The following CAVIN3 variants were observed in gnomAD, a reference collection of about 807,000 sequenced individuals.
The protein encoded by CAVIN3 is caveolae associated protein 3, also known as caveolae-associated protein 3.
A neutral mutation model predicts 8.2 loss-of-function variants in CAVIN3; 11 were observed. The observed-to-expected ratio is 1.35, with a 90% confidence interval of 0.85 to 2.23. The LOEUF is 2.23. CAVIN3 is among the 30% of genes most tolerant of loss of function. CAVIN3 has a pLI of 0.00. For synonymous variants in CAVIN3, 191 were observed against 166.3 expected, an observed-to-expected ratio of 1.15 and a Z score of -1.14; for missense variants, 401 against 359.5, an observed-to-expected ratio of 1.12 and a Z score of -0.93.
At position 6,320,363 on chromosome 11, in the gene CAVIN3, A is replaced by G. The variant is rs190379115; in HGVS notation, c.114T>C (p.Thr38=). Residue 38 remains threonine, a synonymous_variant, in exon 1 of 2, where the codon ACT becomes ACC. Coordinates refer to ENST00000303927, the MANE Select transcript of CAVIN3 (RefSeq NM_145040.3). ...LLEKLASMLE[T]LRERQGGLAR... is the part of the protein sequence containing the mutation. The stretch of plus-strand genomic sequence containing the variant: ...CCAGGCCTCCCTGCCGCTCCCGCAG[A>G]GTCTCCAGCATGGAGGCCAGCTTCT... 1.3e-6 allele frequency: 2 copies of G among 1,585,274 alleles called. No individual in the cohort carries two copies. Among genetic ancestry groups the G allele is most frequent in the South Asian group, 1.1e-5 (1 of 88,944 alleles).
chr11:6,319,790 C>T (rs1322228965), intron 1 of CAVIN3: 7 of 680,440 alleles, frequency 1.0e-5, no homozygotes, highest in African/African-American at 5.3e-5. Flanking sequence ...CCCGCAGTCA[C>T]GGAATGCCCT....
rs757230158 is a variant in CAVIN3 at position 6,319,489 on chromosome 11, C to T, written c.460G>A (p.Gly154Ser). The T allele has an allele frequency of 3.1e-6, 5 of 1,604,004 alleles. No individual in the cohort carries two copies. In the African/African-American group the frequency reaches 6.7e-5, roughly 21 times the overall value. ...PLGPADQSEL[G>S]PEQLEAEVGE... is the part of the protein sequence containing the mutation. Reference sequence around the variant, plus strand: ...ACTTCGGCCTCCAGCTGCTCTGGGCCCAGCTCGGACTGGTCCGCCGGGCCC... The same window carrying T: ...ACTTCGGCCTCCAGCTGCTCTGGGCTCAGCTCGGACTGGTCCGCCGGGCCC... The change falls in exon 2 of 2, where the codon GGC becomes AGC. Residue 154 changes from glycine (G) to serine (S), a missense_variant. Gly to Ser is a moderately conservative substitution (Grantham distance 56). Coordinates refer to ENST00000303927, the MANE Select transcript of CAVIN3 (RefSeq NM_145040.3).
intron 1 of CAVIN3, 133 bp from the exon 2 acceptor site, chr11:6,319,697 G>T: frequency 8.7e-7 from 1 of 1,155,604 alleles, no homozygotes; most frequent in Non-Finnish European, 1.3e-6. Flanking sequence ...GGCGTGGGAA[G>T]GTAAGGGGAG....
Position 6,320,290 on chromosome 11 carries a change from C to T in CAVIN3, c.187G>A (p.Gly63Ser), listed in dbSNP as rs907105022. Reference sequence around the variant, plus strand: ...TGGCTGCGACTCAGAGCGCCCAGGCCGCTCTGGATGCGGCGCACGGACCCT... The same window carrying T: ...TGGCTGCGACTCAGAGCGCCCAGGCTGCTCTGGATGCGGCGCACGGACCCT... ...LAGSVRRIQS[G>S]LGALSRSHDT... The change falls in exon 1 of 2, where the codon GGC becomes AGC. Residue 63 changes from glycine (G) to serine (S), a missense_variant. Coordinates refer to ENST00000303927, the MANE Select transcript of CAVIN3 (RefSeq NM_145040.3). 8 of 1,566,448 alleles carry T rather than the reference C, an allele frequency of 5.1e-6. No homozygotes were observed. The highest frequency in any genetic ancestry group is 6.9e-6 in the Non-Finnish European group (8 of 1,163,724).
Position 6,319,271 on chromosome 11 carries a change from A to T in CAVIN3, c.678T>A (p.Pro226=), listed in dbSNP as rs149823183. 15 of 1,608,368 alleles carry T rather than the reference A, an allele frequency of 9.3e-6. No individual in the cohort carries two copies. The African/African-American group carries it at 2.0e-4, about 22-fold the overall frequency. Residue 226 remains proline (P), a synonymous_variant, in exon 2 of 2, where the codon CCT becomes CCA. Coordinates refer to ENST00000303927, the MANE Select transcript of CAVIN3 (RefSeq NM_145040.3). ...RSAEAQPEAQ[P]ALEPTLEPEP... The stretch of plus-strand genomic sequence containing the variant: ...CTGGCTCCAGCGTGGGCTCCAGCGC[A>T]GGCTGGGCTTCCGGCTGGGCTTCAG...
At position 6,319,509 on chromosome 11, in the gene CAVIN3, G is replaced by A. The variant is rs371552164; in HGVS notation, c.440C>T (p.Pro147Leu). The A allele has an allele frequency of 6.3e-7, 1 of 1,597,744 alleles. No individual in the cohort carries two copies. Among genetic ancestry groups the A allele is most frequent in the Non-Finnish European group, 8.5e-7 (1 of 1,176,082 alleles). ...AFQKAPEPLG[P>L]ADQSELGPEQ... ...TGGGCCCAGCTCGGACTGGTCCGCC[G>A]GGCCCAAGGGCTCTGGTGCCTTCTG... The change falls in exon 2 of 2, where the codon CCG (proline) becomes CTG (leucine). Residue 147 changes from proline (P) to leucine (L), a missense_variant. Coordinates refer to ENST00000303927, the MANE Select transcript of CAVIN3 (RefSeq NM_145040.3).
Position 6,320,413 on chromosome 11 carries a change from C to A in CAVIN3, c.64G>T (p.Ala22Ser). 1.3e-6 allele frequency: 2 copies of A among 1,566,830 alleles called. No individual in the cohort carries two copies. The highest frequency in any genetic ancestry group is 1.7e-6 in the Non-Finnish European group (2 of 1,163,322). The change falls in exon 1 of 2, where the codon GCC becomes TCC. Residue 22 changes from alanine (A) to serine (S), a missense_variant. Ala to Ser is a moderately conservative substitution (Grantham distance 99). Transcript: ENST00000303927. Reference sequence around the variant, plus strand: ...TCCAGCAGGGTCACCACCGTCACGGCGTGCACGGGACCCCCCGCCGGCGCC... The same window carrying A: ...TCCAGCAGGGTCACCACCGTCACGGAGTGCACGGGACCCCCCGCCGGCGCC... ...PEAPAGGPVH[A>S]VTVVTLLEKL...
Position 6,320,317 on chromosome 11 carries a change from C to T in CAVIN3, c.160G>A (p.Ala54Thr), listed in dbSNP as rs1454774439. 1 of 1,562,700 alleles carries T rather than the reference C, an allele frequency of 6.4e-7. No homozygotes were observed. The highest frequency in any genetic ancestry group is 8.6e-7 in the Non-Finnish European group (1 of 1,162,928). Residue 54 changes from alanine (A) to threonine (T), a missense_variant, in exon 1 of 2, where the codon GCA (alanine) becomes ACA (threonine). Transcript: ENST00000303927. ...CTCTGGATGCGGCGCACGGACCCTG[C>T]CAGGCCTCCCTGCCTTCGAGCCAGG... ...GGLARRQGGL[A>T]GSVRRIQSGL...
chr11:6,319,326 T>G lies in CAVIN3; in HGVS notation c.623A>C (p.Lys208Thr), dbSNP rs2133933370. 5 of 1,603,958 alleles carry G rather than the reference T, an allele frequency of 3.1e-6. No individual in the cohort carries two copies. The highest frequency in any genetic ancestry group is 4.3e-6 in the Non-Finnish European group (5 of 1,175,674). Residue 208 changes from lysine (K) to threonine (T), a missense_variant, in exon 2 of 2, where the codon AAG becomes ACG. Physicochemically the swap from Lys to Thr is moderately conservative, Grantham distance 78 (BLOSUM62 -1). Transcript: ENST00000303927. ...CCGGCCAGGCCCAAGGCGAGGCGGCTTGACCGGGGTGGGCGGTGGCGCTGC... is the reference window on the plus strand; with the variant it reads ...CCGGCCAGGCCCAAGGCGAGGCGGCGTGACCGGGGTGGGCGGTGGCGCTGC... ...GPAAPPPTPV[K>T]PPRLGPGRSA... is the part of the protein sequence containing the mutation.
rs1287700354 is a variant in CAVIN3, at chr11:6,319,479, T to G, written c.470A>C (p.Gln157Pro). 26 of 1,606,630 alleles carry G rather than the reference T, an allele frequency of 1.6e-5. No individual in the cohort carries two copies. Among genetic ancestry groups the G allele is most frequent in the Non-Finnish European group, 2.0e-5 (23 of 1,178,716 alleles). Residue 157 changes from glutamine to proline, a missense_variant, in exon 2 of 2, where the codon CAG becomes CCG. By Grantham distance (76) the Gln-to-Pro change is moderately conservative. Transcript: ENST00000303927. ...GCTCTCTCCAACTTCGGCCTCCAGC[T>G]GCTCTGGGCCCAGCTCGGACTGGTC... ...PADQSELGPE[Q>P]LEAEVGESSD... is the part of the protein sequence containing the mutation.
Position 6,320,255 on chromosome 11 carries a change from G to A in CAVIN3, c.222C>T (p.Thr74=), listed in dbSNP as rs755690454. ...LGALSRSHDT[T]SNTLAQLLAK... is the part of the protein sequence containing the mutation. ...CCAGCAGCTGCGCCAAGGTGTTGCTGGTGGTGTCGTGGCTGCGACTCAGAG... is the reference window on the plus strand; with the variant it reads ...CCAGCAGCTGCGCCAAGGTGTTGCTAGTGGTGTCGTGGCTGCGACTCAGAG... The change falls in exon 1 of 2, where the codon ACC becomes ACT. Residue 74 remains threonine, a synonymous_variant. Transcript: ENST00000303927. 1.9e-6 allele frequency: 3 copies of A among 1,564,932 alleles called. No individual in the cohort carries two copies. In the African/African-American group the frequency reaches 4.1e-5, roughly 21 times the overall value.
chr11:6,319,459 C>G lies in CAVIN3; in HGVS notation c.490G>C (p.Glu164Gln), dbSNP rs1209003172. The change falls in exon 2 of 2, where the codon GAG (glutamate) becomes CAG (glutamine). Residue 164 changes from glutamate (E) to glutamine (Q), a missense_variant. Glu to Gln is a conservative substitution (Grantham distance 29). Coordinates refer to ENST00000303927, the MANE Select transcript of CAVIN3 (RefSeq NM_145040.3). ...GPEQLEAEVG[E>Q]SSDEEPVESR... is the part of the protein sequence containing the mutation. ...TCCACCGGCTCCTCGTCCGAGCTCTCTCCAACTTCGGCCTCCAGCTGCTCT... is the reference window on the plus strand; with the variant it reads ...TCCACCGGCTCCTCGTCCGAGCTCTGTCCAACTTCGGCCTCCAGCTGCTCT... 1 of 1,610,550 alleles carries G rather than the reference C, an allele frequency of 6.2e-7. No individual in the cohort carries two copies. Among genetic ancestry groups the G allele is most frequent in the Non-Finnish European group, 8.5e-7 (1 of 1,179,630 alleles).
chr11:6,319,331 C>A lies in CAVIN3; in HGVS notation c.618G>T (p.Pro206=), dbSNP rs932277589. ...RKGPAAPPPT[P]VKPPRLGPGR... The stretch of plus-strand genomic sequence containing the variant: ...CAGGCCCAAGGCGAGGCGGCTTGAC[C>A]GGGGTGGGCGGTGGCGCTGCAGGGC... Residue 206 remains proline, a synonymous_variant, in exon 2 of 2, where the codon CCG becomes CCT. Coordinates refer to ENST00000303927, the MANE Select transcript of CAVIN3 (RefSeq NM_145040.3). 1.9e-6 allele frequency: 3 copies of A among 1,600,122 alleles called. No homozygotes were observed. Among genetic ancestry groups the A allele is most frequent in the Non-Finnish European group, 2.6e-6 (3 of 1,174,380 alleles).
chr11:6,320,453 C>T lies in CAVIN3; in HGVS notation c.24G>A (p.Arg8=), dbSNP rs1431658686. The T allele has an allele frequency of 6.5e-7, 1 of 1,538,428 alleles. No homozygotes were observed. The highest frequency in any genetic ancestry group is 8.7e-7 in the Non-Finnish European group (1 of 1,149,664). The change falls in exon 1 of 2, where the codon CGG becomes CGA. Residue 8 remains arginine, a synonymous_variant. Coordinates refer to ENST00000303927, the MANE Select transcript of CAVIN3 (RefSeq NM_145040.3). ...CCGCCGGCGCCTCGGGCACAGGCCC[C>T]CGCTCCAACGCACTCTCCCTCATGA... MRESALE[R]GPVPEAPAGG...
Position 6,319,067 on chromosome 11 carries a change from T to G in CAVIN3, c.*96A>C. The G allele has an allele frequency of 1.5e-6, 2 of 1,323,882 alleles. No homozygotes were observed. Among genetic ancestry groups the G allele is most frequent in the Non-Finnish European group, 2.0e-6 (2 of 982,728 alleles). 82.0% of individuals were successfully genotyped at this position (1,323,882 alleles called of 1,614,324 possible). A position where few individuals can be genotyped will look rare whatever the true frequency, so the allele number is the denominator to read the frequency against. ...GCCAGAGCGCCCGCCTTGGTGGATG[T>G]AGGATTCGCTCCTTATTAGGGCGTG... On this transcript the variant is annotated 3_prime_UTR_variant, in exon 2 of 2. Coordinates refer to ENST00000303927, the MANE Select transcript of CAVIN3 (RefSeq NM_145040.3).
At chr11:6,319,967 A>C (rs1339052837) in intron 1 of CAVIN3, 126 bp downstream of exon 1, 1 of 1,072,338 alleles carries the variant, frequency 9.3e-7, no homozygotes, top group Non-Finnish European at 1.3e-6. Context: ...AGTCTGTTCC[A>C]CAGCAACAGA....
chr11:6,319,967 A>T, intron 1 of CAVIN3, 126 bp downstream of exon 1: 1 of 1,072,338 alleles, frequency 9.3e-7, no homozygotes, highest in Non-Finnish European at 1.3e-6. Flanking sequence ...AGTCTGTTCC[A>T]CAGCAACAGA....
rs761010101 is a variant in CAVIN3, at chr11:6,320,283, C to G, written c.194G>C (p.Gly65Ala). 3.8e-6 allele frequency: 6 copies of G among 1,566,668 alleles called. No homozygotes were observed. Among genetic ancestry groups the G allele is most frequent in the Non-Finnish European group, 3.4e-6 (4 of 1,163,642 alleles). The part of the protein sequence containing the change: ...GSVRRIQSGL[G>A]ALSRSHDTTS... ...GGTGTCGTGGCTGCGACTCAGAGCG[C>G]CCAGGCCGCTCTGGATGCGGCGCAC... Residue 65 changes from glycine (G) to alanine (A), a missense_variant, in exon 1 of 2, where the codon GGC (glycine) becomes GCC (alanine). By Grantham distance (60) the Gly-to-Ala change is moderately conservative. Transcript: ENST00000303927.
chr11:6,320,033 C>G, intron 1 of CAVIN3, 60 bp downstream of exon 1: 2 of 1,502,734 alleles, frequency 1.3e-6, no homozygotes, highest in Admixed American at 4.3e-5. Flanking sequence ...GGGGAGCCCC[C>G]AGCTGGTGGC....
Sources: gnomAD v4.1 joint callset for allele counts on GRCh38, gnomAD v4.1.1 for gene constraint, MANE v1.5 for transcripts, NCBI Gene and HGNC (gene_info 2026-07-23, HGNC 2026-07-21) for gene names.